The following UBE3C variants were observed in gnomAD, a reference collection of about 807,000 sequenced individuals.
UBE3C encodes the protein ubiquitin-protein ligase E3C.
UBE3C carries 42 observed loss-of-function variants against 129.4 expected under a neutral mutation model. The ratio of observed to expected loss-of-function variants is 0.32; its 90% CI spans 0.25 to 0.42. UBE3C has a LOEUF of 0.42. UBE3C is among the 10% of genes least tolerant of loss of function. UBE3C has a pLI of 1.00. For synonymous variants in UBE3C, 510 were observed against 492.4 expected, an observed-to-expected ratio of 1.04 and a Z score of -0.47; for missense variants, 1,049 against 1,319.1, an observed-to-expected ratio of 0.80 and a Z score of 3.17.
At chr7:157,206,771 T>C (rs907667960) in intron 11 of UBE3C, among the ~76,000 whole-genome samples, 48 of 129,590 alleles carry the variant, frequency 3.7e-4, no homozygotes, top group African/African-American at 1.7e-3. Flanking sequence ...TAATTTAATA[T>C]ATCATAGCTC....
At chr7:157,159,324 T>TAA (rs11370278) in intron 1 of UBE3C, among the ~76,000 whole-genome samples, 48 of 145,458 alleles carry the variant, frequency 3.3e-4, no homozygotes, top group South Asian at 4.3e-4. Flanking sequence ...AAGAAAAGAT[T>TAA]AAAAAAAAAA....
chr7:157,163,659 G>A lies in UBE3C; in HGVS notation c.67-151G>A, dbSNP rs1425047353. On this transcript the variant is annotated intron_variant, in intron 1 of 22. Transcript: ENST00000348165. ...TCTGGGAAACCATTTAACTTCTTGT[G>A]CCTCAGATTCTCTCATCTGATTAAG... 11 of 703,126 alleles carry A rather than the reference G, an allele frequency of 1.6e-5. No homozygotes were observed. The East Asian group carries it at 2.5e-4, about 16-fold the overall frequency. 43.6% of individuals were successfully genotyped at this position (703,126 alleles called of 1,614,324 possible).
rs1288088102 is a variant in UBE3C at position 157,197,919 on chromosome 7, G to A, written c.1332-3802G>A. ...GGAAGGTGTACTGACTATTTCAGGT[G>A]TAAGCCTTCCAAGTTTTTGCCCTTC... On this transcript the variant is annotated intron_variant, in intron 10 of 22. Transcript: ENST00000348165. The A allele has an allele frequency of 3.7e-6, 6 of 1,605,546 alleles. No homozygotes were observed. The African/African-American group carries it at 8.0e-5, about 21-fold the overall frequency.
At chr7:157,203,412 T>G (rs1809345713) in intron 11 of UBE3C, among the ~76,000 whole-genome samples, 1 of 152,212 alleles carries the variant, frequency 6.6e-6, no homozygotes, top group Admixed American at 6.5e-5. Context: ...TGTGTTTTTT[T>G]TGGTGCATTT....
At chr7:157,180,950 C>T (rs560164174) in intron 6 of UBE3C, among the ~76,000 whole-genome samples, 1 of 152,282 alleles carries the variant, frequency 6.6e-6, no homozygotes, top group African/African-American at 2.4e-5. Flanking sequence ...CTAAAGCCCA[C>T]CCCGGGGCCC....
intron 4 of UBE3C, among the ~76,000 whole-genome samples, chr7:157,172,027 C>CT (rs34998574): frequency 0.46 from 64,904 of 141,866 alleles, 16,229 homozygotes; most frequent in African/African-American, 0.7. Flanking sequence ...TGCTATTTAT[C>CT]TTTTTTTTTT....
At chr7:157,193,319 G>A (rs1368670107) in intron 10 of UBE3C, among the ~76,000 whole-genome samples, 2 of 152,062 alleles carry the variant, frequency 1.3e-5, no homozygotes, top group Admixed American at 1.3e-4. Context: ...TTGTACTTGT[G>A]TGCTATAAGA....
chr7:157,202,407 A>G (rs1459536813), intron 11 of UBE3C, among the ~76,000 whole-genome samples: 1 of 152,226 alleles, frequency 6.6e-6, no homozygotes, highest in East Asian at 1.9e-4. Context: ...CTGTAATTCC[A>G]GCACTTTGGG....
Position 157,182,345 on chromosome 7 carries a change from C to CT in UBE3C, c.991+23dup. The CT allele has an allele frequency of 1.2e-6, 2 of 1,610,740 alleles. No homozygotes were observed. The highest frequency in any genetic ancestry group is 1.3e-5 in the African/African-American group (1 of 74,764). On this transcript the variant is annotated intron_variant, in intron 8 of 22. Transcript: ENST00000348165. ...ATTATTTGGGTATGAAATACAAGAT[C>CT]TTTTTTACCTGAACACACATATGGG...
chr7:157,152,629 C>T (rs1170554815), intron 1 of UBE3C, among the ~76,000 whole-genome samples: 1 of 152,144 alleles, frequency 6.6e-6, no homozygotes, highest in East Asian at 1.9e-4. Context: ...TGTTAGTGTC[C>T]TGTGGAGGAA....
chr7:157,259,170 C>T (rs1354683589), intron 22 of UBE3C, among the ~76,000 whole-genome samples: 1 of 152,242 alleles, frequency 6.6e-6, no homozygotes, highest in Non-Finnish European at 1.5e-5. Flanking sequence ...TTTTCAGGCC[C>T]CACTCAGACC....
chr7:157,140,059 T>A, intron 1 of UBE3C: 1 of 984,582 alleles, frequency 1.0e-6, no homozygotes. Context: ...ATGACGCCTC[T>A]GTTCTAGTCT....
intron 2 of UBE3C, among the ~76,000 whole-genome samples, chr7:157,167,725 GTA>G (rs1808256838): frequency 6.6e-6 from 1 of 151,786 alleles, no homozygotes; most frequent in Non-Finnish European, 1.5e-5. Flanking sequence ...TTTAGAAGAG[GTA>G]TGGTTTCACC....
At chr7:157,174,076 A>G (rs1305526056) in intron 4 of UBE3C, among the ~76,000 whole-genome samples, 1 of 152,218 alleles carries the variant, frequency 6.6e-6, no homozygotes, top group Non-Finnish European at 1.5e-5. Flanking sequence ...TTAAGAGGCT[A>G]TCTTTGCCGA....
intron 13 of UBE3C, among the ~76,000 whole-genome samples, chr7:157,209,399 A>C (rs1346727320): frequency 6.6e-6 from 1 of 152,184 alleles, no homozygotes; most frequent in Non-Finnish European, 1.5e-5. Context: ...TTAATTACCT[A>C]TTTCTGTATT....
At chr7:157,159,044 G>A (rs749718372) in intron 1 of UBE3C, among the ~76,000 whole-genome samples, 5 of 152,292 alleles carry the variant, frequency 3.3e-5, no homozygotes, top group South Asian at 2.1e-4. Context: ...TGTGAAAGGC[G>A]GAGACTTAAT....
intron 2 of UBE3C, chr7:157,164,313 T>A: frequency 2.2e-6 from 1 of 455,322 alleles, no homozygotes; most frequent in Non-Finnish European, 4.4e-6. Flanking sequence ...CATGCCACCA[T>A]GCCCAGCTAA....
At chr7:157,212,538 CAT>C (rs1401742765) in intron 13 of UBE3C, among the ~76,000 whole-genome samples, 5 of 152,214 alleles carry the variant, frequency 3.3e-5, no homozygotes, top group Non-Finnish European at 5.9e-5. Flanking sequence ...AACTCTCAAA[CAT>C]AGCGATCTTG....
intron 22 of UBE3C, among the ~76,000 whole-genome samples, chr7:157,262,409 C>CTTTTTTT (rs371300314): frequency 0.016 from 847 of 54,036 alleles, 287 homozygotes; most frequent in African/African-American, 0.034. Context: ...TCTTCATAGG[C>CTTTTTTT]TTTTTTTTTT....
Sources: allele counts gnomAD v4.1 joint callset (sites outside exome capture counted in the v4.1 genomes callset), GRCh38; gene constraint gnomAD v4.1.1; transcripts MANE v1.5; gene names NCBI Gene and HGNC (gene_info 2026-07-23, HGNC 2026-07-21).